The following C12orf54 variants were observed in gnomAD, a reference collection of about 807,000 sequenced individuals.
C12orf54 encodes the protein uncharacterized protein C12orf54.
In C12orf54, 24 loss-of-function variants were observed where a neutral mutation model predicts 26.4. The ratio of observed to expected loss-of-function variants is 0.91; its 90% CI spans 0.66 to 1.28. The LOEUF (loss-of-function observed/expected upper bound fraction) is 1.28, where lower values mean the gene tolerates loss of function less well. C12orf54 is among the 50% of genes most tolerant of loss of function. C12orf54 has a pLI of 0.00. For missense variants in C12orf54, 154 were observed against 150.9 expected, an observed-to-expected ratio of 1.02 and a Z score of -0.11; for synonymous variants, 54 against 47.0, an observed-to-expected ratio of 1.15 and a Z score of -0.61.
At chr12:48,477,472 GAC>G in the C12orf54 span, among the ~76,000 whole-genome samples, 1 of 152,050 alleles carries the variant, frequency 6.6e-6, no homozygotes, top group African/African-American at 2.4e-5. Flanking sequence ...GTTTTTTGAA[GAC>G]ATCAACAAAA....
chr12:48,416,823 C>A, the C12orf54 span, among the ~76,000 whole-genome samples: 1 of 151,878 alleles, frequency 6.6e-6, no homozygotes, highest in African/African-American at 2.4e-5. Flanking sequence ...GATTGTGCCA[C>A]TGCACTCCAG....
chr12:48,467,726 G>A, the C12orf54 span, among the ~76,000 whole-genome samples: 1 of 152,040 alleles, frequency 6.6e-6, no homozygotes, highest in African/African-American at 2.4e-5. Flanking sequence ...TCATTATCTT[G>A]TTTCTGTTGA....
chr12:48,460,936 T>A, the C12orf54 span, among the ~76,000 whole-genome samples: 41 of 152,120 alleles, frequency 2.7e-4, no homozygotes, highest in African/African-American at 9.9e-4. Flanking sequence ...AACCTAAATG[T>A]CAACTAAATA....
At chr12:48,485,699 T>C (rs1954252507) in intron 2 of C12orf54, among the ~76,000 whole-genome samples, 1 of 152,190 alleles carries the variant, frequency 6.6e-6, no homozygotes, top group South Asian at 2.1e-4. Flanking sequence ...AATAAGCAAA[T>C]CTTTCCACTT....
At chr12:48,479,281 A>G (rs1307003289), upstream of C12orf54, among the ~76,000 whole-genome samples, 2 of 152,136 alleles carry the variant, frequency 1.3e-5, no homozygotes, top group African/African-American at 2.4e-5. Context: ...CAAACACCGC[A>G]TATTCTCACT....
chr12:48,435,216 G>C, the C12orf54 span, among the ~76,000 whole-genome samples: 3 of 152,108 alleles, frequency 2.0e-5, no homozygotes, highest in African/African-American at 7.2e-5. Context: ...AGAGAAAAAA[G>C]AATAAAAAGA....
intron 7 of C12orf54, 135 bp from the exon 8 acceptor site, chr12:48,494,663 A>C (rs933750880): frequency 1.0e-6 from 1 of 962,468 alleles, no homozygotes; most frequent in South Asian, 1.7e-5. Context: ...GGAAATTGCA[A>C]CTCCCAGAGC....
chr12:48,475,503 A>C, the C12orf54 span, among the ~76,000 whole-genome samples: 1 of 152,158 alleles, frequency 6.6e-6, no homozygotes, highest in South Asian at 2.1e-4. Context: ...TTGAAAAAAA[A>C]ATTAGATGAA....
chr12:48,449,489 T>C, the C12orf54 span, among the ~76,000 whole-genome samples: 2 of 152,184 alleles, frequency 1.3e-5, no homozygotes, highest in Non-Finnish European at 2.9e-5. Context: ...TTGTAGGCCA[T>C]GACTCCCCAG....
At chr12:48,437,122 T>G in the C12orf54 span, among the ~76,000 whole-genome samples, 8 of 152,046 alleles carry the variant, frequency 5.3e-5, no homozygotes, top group Admixed American at 1.3e-4. Flanking sequence ...GCTATAAACA[T>G]CTCTACTCAA....
At chr12:48,458,746 T>TTTA in the C12orf54 span, among the ~76,000 whole-genome samples, 2 of 150,106 alleles carry the variant, frequency 1.3e-5, no homozygotes, top group Admixed American at 1.3e-4. Context: ...TTTTTTTTTT[T>TTTA]AAACCAAACC....
chr12:48,463,698 A>C, the C12orf54 span, among the ~76,000 whole-genome samples: 6 of 152,012 alleles, frequency 3.9e-5, no homozygotes, highest in African/African-American at 1.4e-4. Flanking sequence ...ACTGGTAAAC[A>C]TAATCCAGCA....
the C12orf54 span, among the ~76,000 whole-genome samples, chr12:48,468,958 G>C: frequency 6.6e-6 from 1 of 152,158 alleles, no homozygotes; most frequent in Non-Finnish European, 1.5e-5. Flanking sequence ...GTTTTTATTA[G>C]CGATTTTCAA....
At chr12:48,472,050 T>C in the C12orf54 span, among the ~76,000 whole-genome samples, 1 of 152,202 alleles carries the variant, frequency 6.6e-6, no homozygotes, top group Admixed American at 6.5e-5. Flanking sequence ...CTTGTAGAAA[T>C]TTTTCACCTC....
the C12orf54 span, among the ~76,000 whole-genome samples, chr12:48,449,916 C>T: frequency 2.0e-4 from 30 of 152,034 alleles, 1 homozygote; most frequent in Admixed American, 1.8e-3. Flanking sequence ...TCATGGGGGC[C>T]AGTCTCATGA....
chr12:48,463,106 CTTAAAA>C, the C12orf54 span, among the ~76,000 whole-genome samples: 4 of 151,652 alleles, frequency 2.6e-5, no homozygotes, highest in African/African-American at 7.3e-5. Context: ...ACAACCGAAA[CTTAAAA>C]TTAAAAGGGA....
the C12orf54 span, among the ~76,000 whole-genome samples, chr12:48,430,444 A>T: frequency 6.6e-6 from 1 of 152,166 alleles, no homozygotes; most frequent in African/African-American, 2.4e-5. Flanking sequence ...CAAAGAACTC[A>T]AATCAGCAAG....
chr12:48,433,141 G>A, the C12orf54 span, among the ~76,000 whole-genome samples: 1 of 152,118 alleles, frequency 6.6e-6, no homozygotes. Context: ...ATTTATGTGT[G>A]ACCTTTATCA....
intron 7 of C12orf54, among the ~76,000 whole-genome samples, chr12:48,493,673 T>TAAAGAAAATTAAAAAAAGTTAATTTTCAA (rs1937843329): frequency 1.5e-5 from 2 of 135,700 alleles, no homozygotes; most frequent in Non-Finnish European, 3.1e-5. Flanking sequence ...AAGAAAGTTA[T>TAAAGAAAATTAAAAAAAGTTAATTTTCAA]AAAGAAAATT....
Sources: gnomAD v4.1 joint callset for allele counts (sites outside exome capture counted in the v4.1 genomes callset) on GRCh38, gnomAD v4.1.1 for gene constraint, MANE v1.5 for transcripts, NCBI Gene and HGNC (gene_info 2026-07-23, HGNC 2026-07-21) for gene names.